TRIM34: variants seen among roughly 807,000 people sequenced by gnomAD.
TRIM34 encodes the protein tripartite motif containing 34, also known as E3 ubiquitin-protein ligase TRIM34.
A neutral mutation model predicts 38.1 loss-of-function variants in TRIM34; 41 were observed. The ratio of observed to expected loss-of-function variants is 1.08; its 90% CI spans 0.84 to 1.40. The LOEUF is 1.40. TRIM34 is among the 40% of genes most tolerant of loss of function. TRIM34 has a pLI of 0.00. For missense variants in TRIM34, 556 were observed against 571.4 expected (o/e 0.97, Z 0.27); for synonymous variants, 200 against 202.5 (o/e 0.99, Z 0.10).
Position 5,634,683 on chromosome 11 carries a change from G to A in TRIM34, c.572G>A (p.Arg191Lys). 6.2e-7 allele frequency: 1 copy of A among 1,614,024 alleles called. No homozygotes were observed. Among genetic ancestry groups the A allele is most frequent in the East Asian group, 2.2e-5 (1 of 44,876 alleles). Residue 191 changes from arginine to lysine, a missense_variant, in exon 4 of 8, where the codon AGA becomes AAA. Physicochemically the swap from Arg to Lys is conservative, Grantham distance 26. Transcript: ENST00000429814. ...ATACAAACAGAATTTGATCAGCTTA[G>A]AAGCATCCTAAATAATGAGGAGCAG... ...QRIQTEFDQLRSILNNEEQRE... is the reference protein window; with the variant it reads ...QRIQTEFDQLKSILNNEEQRE...
intron 1 of TRIM34, among the ~76,000 whole-genome samples, chr11:5,630,601 T>C (rs1394151370): frequency 6.6e-6 from 1 of 152,234 alleles, no homozygotes; most frequent in Non-Finnish European, 1.5e-5. Context: ...TGATTCCTTC[T>C]GCCTAAAATA....
intron 1 of TRIM34, chr11:5,626,708 T>G (rs993586499): frequency 4.0e-5 from 6 of 151,622 alleles, no homozygotes; most frequent in African/African-American, 1.5e-4. Context: ...GGTGAAACTG[T>G]GTCTCTACTA....
At position 5,643,530 on chromosome 11, in the gene TRIM34, C is replaced by T; in HGVS notation, c.1288C>T (p.Pro430Ser). Residue 430 changes from proline to serine, a missense_variant, in exon 8 of 8, where the codon CCC becomes TCC. By Grantham distance (74) the Pro-to-Ser change is moderately conservative. Coordinates refer to ENST00000429814, the MANE Select transcript of TRIM34 (RefSeq NM_021616.6). ...TTTGACTCTCTCCATGGCTGTGCCTCCCTGCCGTGTTGGGGTTTTCCTCGA... is the reference window on the plus strand; with the variant it reads ...TTTGACTCTCTCCATGGCTGTGCCTTCCTGCCGTGTTGGGGTTTTCCTCGA... Reference protein sequence around the residue: ...EVLTLSMAVPPCRVGVFLDYE... With the variant: ...EVLTLSMAVPSCRVGVFLDYE... 2 of 1,614,144 alleles carry T rather than the reference C, an allele frequency of 1.2e-6. No individual in the cohort carries two copies. Among genetic ancestry groups the T allele is most frequent in the Non-Finnish European group, 1.7e-6 (2 of 1,180,016 alleles).
upstream of TRIM34, among the ~76,000 whole-genome samples, chr11:5,622,482 C>T (rs1266689615): frequency 2.7e-5 from 2 of 73,700 alleles, no homozygotes; most frequent in East Asian, 1.3e-3. Context: ...ATTAGCTGGA[C>T]GTGGTGGCGC....
chr11:5,640,156 G>A (rs1309923139), intron 4 of TRIM34, among the ~76,000 whole-genome samples: 6 of 152,160 alleles, frequency 3.9e-5, no homozygotes, highest in Non-Finnish European at 8.8e-5. Flanking sequence ...CCAATACCAT[G>A]TTAAATAGAA....
At chr11:5,626,125 T>C (rs963571363) in intron 1 of TRIM34, among the ~76,000 whole-genome samples, 2 of 152,248 alleles carry the variant, frequency 1.3e-5, no homozygotes, top group South Asian at 2.1e-4. Context: ...GTAGAATCCA[T>C]GTCTGCCTAC....
At chr11:5,631,233 C>T (rs768864085) in intron 1 of TRIM34, among the ~76,000 whole-genome samples, 1 of 152,192 alleles carries the variant, frequency 6.6e-6, no homozygotes, top group Non-Finnish European at 1.5e-5. Flanking sequence ...AAGACCCCCC[C>T]AGAAATTCCC....
chr11:5,627,792 G>A (rs1446862990), intron 1 of TRIM34, among the ~76,000 whole-genome samples: 1 of 152,134 alleles, frequency 6.6e-6, no homozygotes, highest in African/African-American at 2.4e-5. Context: ...GGCAGTTTCT[G>A]ACCAAGAATC....
upstream of TRIM34, among the ~76,000 whole-genome samples, chr11:5,622,432 G>A (rs192752162): frequency 1.8e-3 from 268 of 146,302 alleles, 1 homozygote; most frequent in African/African-American, 6.2e-3. Context: ...GCGACAGAGC[G>A]AGACTACCTC....
intron 6 of TRIM34, 81 bp from the exon 7 acceptor site, chr11:5,642,736 T>A (rs1270480139): frequency 2.5e-6 from 4 of 1,579,498 alleles, no homozygotes; most frequent in African/African-American, 1.4e-5. Flanking sequence ...CCTTCCCCTG[T>A]CCCTACTCTA....
intron 4 of TRIM34, among the ~76,000 whole-genome samples, chr11:5,638,335 G>C (rs1034137776): frequency 2.0e-5 from 3 of 152,250 alleles, no homozygotes; most frequent in African/African-American, 7.2e-5. Context: ...AATTGTGACA[G>C]AGGTTTGAGC....
chr11:5,628,005 A>G (rs1849317975), intron 1 of TRIM34, among the ~76,000 whole-genome samples: 2 of 152,216 alleles, frequency 1.3e-5, no homozygotes, highest in African/African-American at 4.8e-5. Context: ...TAACCAGGTA[A>G]CCTGGGAGTT....
chr11:5,628,731 A>G (rs1849351876), intron 1 of TRIM34, among the ~76,000 whole-genome samples: 1 of 152,150 alleles, frequency 6.6e-6, no homozygotes, highest in Non-Finnish European at 1.5e-5. Flanking sequence ...CACAAACTAG[A>G]TGACTTAAAA....
intron 1 of TRIM34, among the ~76,000 whole-genome samples, chr11:5,628,805 G>GAT (rs964243850): frequency 2.8e-4 from 27 of 95,374 alleles, no homozygotes; most frequent in Non-Finnish European, 6.9e-4. Flanking sequence ...CGGCAAAGTT[G>GAT]ATTTTTTTTT....
intron 3 of TRIM34, 23 bp from the exon 4 acceptor site, chr11:5,634,608 C>T (rs368715252): frequency 1.1e-4 from 173 of 1,600,266 alleles, no homozygotes; most frequent in Non-Finnish European, 1.4e-4. Flanking sequence ...CTTACTACAA[C>T]TCTCTCTTGT....
At chr11:5,639,888 G>C (rs891698579) in intron 4 of TRIM34, among the ~76,000 whole-genome samples, 2 of 151,898 alleles carry the variant, frequency 1.3e-5, no homozygotes, top group African/African-American at 4.8e-5. Flanking sequence ...CATAGATTTT[G>C]GCACAGGTAT....
intron 1 of TRIM34, 49 bp downstream of exon 1, chr11:5,625,109 A>G (rs1849144177): frequency 6.6e-6 from 1 of 152,182 alleles, no homozygotes; most frequent in African/African-American, 2.4e-5. Flanking sequence ...CTCCAGGAGA[A>G]AAGTTCTCAG....
intron 4 of TRIM34, among the ~76,000 whole-genome samples, chr11:5,636,816 A>G (rs931005240): frequency 7.2e-5 from 11 of 152,172 alleles, no homozygotes; most frequent in African/African-American, 2.7e-4. Context: ...CTTTTATCTG[A>G]GTAGGGACTT....
intron 4 of TRIM34, among the ~76,000 whole-genome samples, chr11:5,637,839 T>C (rs1484397672): frequency 6.6e-6 from 1 of 152,224 alleles, no homozygotes; most frequent in African/African-American, 2.4e-5. Flanking sequence ...AGTGGAATCA[T>C]AGAATATTTG....
Sources: allele counts gnomAD v4.1 joint callset (sites outside exome capture counted in the v4.1 genomes callset), GRCh38; gene constraint gnomAD v4.1.1; transcripts MANE v1.5; gene names NCBI Gene and HGNC (gene_info 2026-07-23, HGNC 2026-07-21).